Variants in PHF21B observed in about 807,000 individuals in gnomAD.
PHF21B encodes the protein PHD finger protein 4.
Under a neutral mutation model 62.2 loss-of-function variants are expected in PHF21B, and 22 were observed. The ratio of observed to expected loss-of-function variants is 0.35; its 90% CI spans 0.25 to 0.51. PHF21B has a LOEUF of 0.51. Ranked by LOEUF, PHF21B falls within the 20% of genes least tolerant of loss-of-function variation. The pLI is 0.97. For missense variants in PHF21B, 701 were observed against 707.9 expected (o/e 0.99, Z 0.11); for synonymous variants, 341 against 314.7 (o/e 1.08, Z -0.88).
chr22:44,914,245 T>C (rs1414412904), intron 4 of PHF21B, among the ~76,000 whole-genome samples, 157 bp from the exon 5 acceptor site: 2 of 151,772 alleles, frequency 1.3e-5, no homozygotes, highest in Admixed American at 6.5e-5. Context: ...TTTGCGCCCC[T>C]GTCTGTCTAG....
chr22:44,979,012 T>C (rs771911107), intron 2 of PHF21B, among the ~76,000 whole-genome samples: 8 of 152,214 alleles, frequency 5.3e-5, no homozygotes, highest in Non-Finnish European at 1.0e-4. Flanking sequence ...CCCCCTGCAA[T>C]GAAACTGCAC....
At chr22:44,948,833 A>C (rs1204386841) in intron 2 of PHF21B, among the ~76,000 whole-genome samples, 11 of 152,176 alleles carry the variant, frequency 7.2e-5, no homozygotes, top group Non-Finnish European at 1.2e-4. Flanking sequence ...TGGAGATTTG[A>C]AGTTGTCTCA....
chr22:44,919,004 C>G (rs1311538334), intron 3 of PHF21B, among the ~76,000 whole-genome samples: 2 of 152,190 alleles, frequency 1.3e-5, no homozygotes, highest in Non-Finnish European at 2.9e-5. Context: ...TGACTCTGGT[C>G]TCTCCCTACC....
intron 5 of PHF21B, among the ~76,000 whole-genome samples, chr22:44,901,155 T>C (rs2071152180): frequency 6.6e-6 from 1 of 152,218 alleles, no homozygotes; most frequent in African/African-American, 2.4e-5. Flanking sequence ...AGTACCAGTC[T>C]GGCAGCAGTC....
At chr22:44,895,067 C>A (rs1039274442) in intron 6 of PHF21B, among the ~76,000 whole-genome samples, 2 of 152,224 alleles carry the variant, frequency 1.3e-5, no homozygotes, top group African/African-American at 2.4e-5. Context: ...AACCTTCCCG[C>A]ATCCAGGTTT....
At chr22:44,902,048 G>T in intron 5 of PHF21B, 2 of 235,326 alleles carry the variant, frequency 8.5e-6, no homozygotes, top group South Asian at 7.8e-5. Context: ...ACACCACAGA[G>T]GCAAGAGGGC....
chr22:44,950,854 G>T (rs576989055), intron 2 of PHF21B, among the ~76,000 whole-genome samples: 1 of 152,048 alleles, frequency 6.6e-6, no homozygotes, highest in African/African-American at 2.4e-5. Context: ...CTCCAGAGAC[G>T]CTTGATTTTT....
chr22:44,969,213 GA>G (rs1569263079), intron 2 of PHF21B: 2 of 152,244 alleles, frequency 1.3e-5, no homozygotes, highest in Non-Finnish European at 2.9e-5. Flanking sequence ...TCCCTAAAAG[GA>G]GGGGTGTTTT....
chr22:45,008,392 A>G (rs979942028), intron 2 of PHF21B, 153 bp downstream of exon 2: 1 of 634,312 alleles, frequency 1.6e-6, no homozygotes. Context: ...TCTTTCCAGG[A>G]AAGGGGAGGG....
chr22:44,893,047 G>A (rs1184370095), intron 7 of PHF21B, among the ~76,000 whole-genome samples: 2 of 151,992 alleles, frequency 1.3e-5, no homozygotes, highest in East Asian at 3.9e-4. Flanking sequence ...TCCAGGCTGT[G>A]CACATCCTCA....
intron 2 of PHF21B, among the ~76,000 whole-genome samples, chr22:44,982,279 A>G (rs922640149): frequency 2.6e-5 from 4 of 152,166 alleles, no homozygotes; most frequent in African/African-American, 9.7e-5. Context: ...ACCCAGTATG[A>G]GTACTTTGCA....
At chr22:44,904,846 C>T (rs187477187) in intron 5 of PHF21B, among the ~76,000 whole-genome samples, 1,353 of 93,634 alleles carry the variant, frequency 0.014, 211 homozygotes, top group Middle Eastern at 0.032. Flanking sequence ...CTAGTCTTAG[C>T]TTAGACAGGG....
chr22:44,958,468 T>C (rs1393637453), intron 2 of PHF21B, among the ~76,000 whole-genome samples: 1 of 152,150 alleles, frequency 6.6e-6, no homozygotes, highest in African/African-American at 2.4e-5. Flanking sequence ...CCAATACCCC[T>C]GTTTTATCTG....
chr22:44,969,862 CAGAGAGGTTA>C (rs1490114376), intron 2 of PHF21B, among the ~76,000 whole-genome samples: 5 of 152,160 alleles, frequency 3.3e-5, no homozygotes, highest in African/African-American at 1.2e-4. Context: ...AATGGAGGAA[CAGAGAGGTTA>C]AGTAACTGGC....
intron 5 of PHF21B, among the ~76,000 whole-genome samples, chr22:44,898,283 C>T (rs1389751827): frequency 2.0e-5 from 3 of 152,064 alleles, no homozygotes; most frequent in Admixed American, 6.6e-5. Context: ...ATATTTTCCT[C>T]GTAAGTGGGC....
At chr22:44,933,659 T>C in intron 2 of PHF21B, 1 of 285,830 alleles carries the variant, frequency 3.5e-6, no homozygotes, top group South Asian at 1.4e-4. Context: ...CGCACCTCCA[T>C]GCCTAGTTCA....
intron 2 of PHF21B, among the ~76,000 whole-genome samples, chr22:44,952,268 G>C (rs1202159931): frequency 1.3e-5 from 2 of 152,112 alleles, no homozygotes; most frequent in South Asian, 2.1e-4. Flanking sequence ...GCTTGAACTC[G>C]AGAGTCGGAG....
chr22:45,004,939 C>T (rs1158475391), intron 2 of PHF21B, among the ~76,000 whole-genome samples: 1 of 152,244 alleles, frequency 6.6e-6, no homozygotes, highest in African/African-American at 2.4e-5. Flanking sequence ...CATGAGACCA[C>T]AGCAGCATGG....
At chr22:44,910,300 T>A (rs1432588582) in intron 5 of PHF21B, among the ~76,000 whole-genome samples, 1 of 151,976 alleles carries the variant, frequency 6.6e-6, no homozygotes, top group Non-Finnish European at 1.5e-5. Flanking sequence ...GGGAACCGAG[T>A]CTGAGCTTGG....
Sources: gnomAD v4.1 joint callset for allele counts (sites outside exome capture counted in the v4.1 genomes callset) on GRCh38, gnomAD v4.1.1 for gene constraint, MANE v1.5 for transcripts, NCBI Gene and HGNC (gene_info 2026-07-23, HGNC 2026-07-21) for gene names.